Variants in TUFT1 observed in about 807,000 individuals in gnomAD.
TUFT1 encodes the protein tuftelin.
A neutral mutation model predicts 57.8 loss-of-function variants in TUFT1; 43 were observed. That is an observed-to-expected ratio of 0.74 (90% CI 0.58 to 0.96). The LOEUF (loss-of-function observed/expected upper bound fraction) is 0.96. Among genes scored for constraint, TUFT1 ranks in the 40% least tolerant of loss-of-function variants. The pLI is 0.00. For missense variants in TUFT1, 459 were observed against 489.0 expected, an observed-to-expected ratio of 0.94 and a Z score of 0.58; for synonymous variants, 166 against 176.7, an observed-to-expected ratio of 0.94 and a Z score of 0.48.
In TUFT1 at chr1:151,542,116, A is replaced by G. The variant is rs377037996; in HGVS notation, c.60+1690A>G. On this transcript the variant is annotated intron_variant, in intron 1 of 12. Transcript: ENST00000368849. Reference sequence around the variant, plus strand: ...TGCTTTTTGCTTGCTTGCTATATAGAAAAGAGATCCGGAAAGAAGTCTAAG... The same window carrying G: ...TGCTTTTTGCTTGCTTGCTATATAGGAAAGAGATCCGGAAAGAAGTCTAAG... 1.8e-4 allele frequency among the ~76,000 whole-genome samples: 27 copies of G among 152,332 alleles called. No homozygotes were observed. The South Asian group carries it at 5.6e-3, about 32-fold the overall frequency.
chr1:151,544,881 G>A (rs1665283148), intron 1 of TUFT1, among the ~76,000 whole-genome samples: 1 of 152,082 alleles, frequency 6.6e-6, no homozygotes, highest in Middle Eastern at 3.2e-3. Flanking sequence ...GACATCTATT[G>A]ACTTCTGTTG....
At position 151,582,640 on chromosome 1, in the gene TUFT1, G is replaced by A. The variant is rs1666677936; in HGVS notation, c.*933G>A. 6.3e-6 allele frequency: 1 copy of A among 159,586 alleles called. No individual in the cohort carries two copies. The highest frequency in any genetic ancestry group is 2.4e-5 in the African/African-American group (1 of 41,558). 9.9% of individuals were successfully genotyped at this position (159,586 alleles called of 1,614,324 possible). A position where few individuals can be genotyped will look rare whatever the true frequency, so the allele number is the denominator to read the frequency against. On this transcript the variant is annotated 3_prime_UTR_variant, in exon 13 of 13. Transcript: ENST00000368849. ...GGATTTGCTTGAAACCGGGAAAACT[G>A]TTCCCATTAGGCTTGTTAATGTCAG...
intron 1 of TUFT1, among the ~76,000 whole-genome samples, chr1:151,558,360 C>T (rs1231092457): frequency 2.0e-5 from 3 of 151,334 alleles, no homozygotes; most frequent in South Asian, 2.1e-4. Context: ...TTTGAGGGAT[C>T]CCCTCAAAGG....
In TUFT1 at chr1:151,581,708, G is replaced by A. The variant is rs1350646585; in HGVS notation, c.*1G>A. On this transcript the variant is annotated 3_prime_UTR_variant, in exon 13 of 13. Coordinates refer to ENST00000368849, the MANE Select transcript of TUFT1 (RefSeq NM_020127.3). Reference sequence around the variant, plus strand: ...TGTCATCCGAGTGGTGGAAACCTGAGCTGCCTGGAGATGGTTGCTGCCATT... The same window carrying A: ...TGTCATCCGAGTGGTGGAAACCTGAACTGCCTGGAGATGGTTGCTGCCATT... 6.2e-7 allele frequency: 1 copy of A among 1,614,132 alleles called. No homozygotes were observed. The highest frequency in any genetic ancestry group is 1.1e-5 in the South Asian group (1 of 91,080).
chr1:151,551,430 GA>G (rs1482728398), intron 1 of TUFT1, among the ~76,000 whole-genome samples: 1 of 152,120 alleles, frequency 6.6e-6, no homozygotes, highest in African/African-American at 2.4e-5. Context: ...GGAGATGAAT[GA>G]ATTGTTACAA....
rs966841474 is a variant in TUFT1 at position 151,579,564 on chromosome 1, C to A, written c.925-85C>A. On this transcript the variant is annotated intron_variant, in intron 10 of 12. Coordinates refer to ENST00000368849, the MANE Select transcript of TUFT1 (RefSeq NM_020127.3). ...CATATGGAGTTGCAGGGCTCTGCTG[C>A]CTTCCCCAGCAGCTGGGGTGAAGTC... The A allele has an allele frequency of 5.1e-6, 7 of 1,377,998 alleles. No homozygotes were observed. In the African/African-American group the frequency reaches 7.2e-5, roughly 14 times the overall value. 85.4% of individuals were successfully genotyped at this position (1,377,998 alleles called of 1,614,324 possible).
chr1:151,582,318 G>A lies in TUFT1; in HGVS notation c.*611G>A, dbSNP rs745766190. ...GGTGGCCTTGTCTTTCTGGGGAGGA[G>A]GGAATGTACATTCAGGGAGTAGCCT... On this transcript the variant is annotated 3_prime_UTR_variant, in exon 13 of 13. Coordinates refer to ENST00000368849, the MANE Select transcript of TUFT1 (RefSeq NM_020127.3). 4 of 428,002 alleles carry A rather than the reference G, an allele frequency of 9.3e-6. No individual in the cohort carries two copies. The highest frequency in any genetic ancestry group is 1.9e-5 in the Non-Finnish European group (4 of 213,158). 26.5% of individuals were successfully genotyped at this position (428,002 alleles called of 1,614,324 possible).
intron 1 of TUFT1, among the ~76,000 whole-genome samples, chr1:151,552,040 T>A (rs1284351027): frequency 3.3e-5 from 5 of 152,154 alleles, no homozygotes; most frequent in Non-Finnish European, 7.4e-5. Flanking sequence ...GTAACCACTA[T>A]CCTGACTTCT....
chr1:151,557,848 G>A lies in TUFT1; in HGVS notation c.61-4243G>A, dbSNP rs1298377252. ...CAGACGGAGTGCTGTGCCGCCTGGT[G>A]CCGACAGCAAAGCTGAGGCTGGGGC... On this transcript the variant is annotated intron_variant, in intron 1 of 12. Transcript: ENST00000368849. The A allele has an allele frequency of 4.0e-6, 3 of 743,550 alleles. No individual in the cohort carries two copies. In the East Asian group the frequency reaches 7.6e-5, roughly 19 times the overall value. The allele number at this position is 743,550 out of a possible 1,614,324, so 46.1% of individuals were successfully genotyped here.
rs1192479546 is a variant in TUFT1 at position 151,581,764 on chromosome 1, G to A, written c.*57G>A. On this transcript the variant is annotated 3_prime_UTR_variant, in exon 13 of 13. Coordinates refer to ENST00000368849, the MANE Select transcript of TUFT1 (RefSeq NM_020127.3). ...TGCCTCTGCCTCGGAGAAGCCCACT[G>A]CCCCTGTTGGCTGTTAACACTGCCT... 6.3e-7 allele frequency: 1 copy of A among 1,580,422 alleles called. No individual in the cohort carries two copies. The highest frequency in any genetic ancestry group is 8.7e-7 in the Non-Finnish European group (1 of 1,149,944).
chr1:151,569,626 C>T, intron 6 of TUFT1, 31 bp from the exon 7 acceptor site: 1 of 1,589,182 alleles, frequency 6.3e-7, no homozygotes, highest in Non-Finnish European at 8.6e-7. Context: ...AACTTGAGGG[C>T]TTCCCCTTCC....
At position 151,582,761 on chromosome 1, in the gene TUFT1, A is replaced by G. The variant is rs1461367323; in HGVS notation, c.*1054A>G. On this transcript the variant is annotated 3_prime_UTR_variant, in exon 13 of 13. Coordinates refer to ENST00000368849, the MANE Select transcript of TUFT1 (RefSeq NM_020127.3). ...CTCTGCAGCTAAGGAAGGTGAGTCT[A>G]CTTTCCCTGAGGCTTTGGGGTCAGA... The G allele has an allele frequency of 1.3e-5, 2 of 153,604 alleles. No homozygotes were observed. Among genetic ancestry groups the G allele is most frequent in the African/African-American group, 2.4e-5 (1 of 41,330 alleles). The allele number at this position is 153,604 out of a possible 1,614,324, so 9.5% of individuals were successfully genotyped here. A position where few individuals can be genotyped will look rare whatever the true frequency, so the allele number is the denominator to read the frequency against.
At chr1:151,559,729 G>T (rs1357481815) in intron 1 of TUFT1, among the ~76,000 whole-genome samples, 1 of 152,144 alleles carries the variant, frequency 6.6e-6, no homozygotes, top group East Asian at 1.9e-4. Context: ...TCCAAAAAGT[G>T]GGAGGATGCT....
intron 9 of TUFT1, 29 bp from the exon 10 acceptor site, chr1:151,578,692 T>G (rs1571721530): frequency 6.5e-7 from 1 of 1,528,928 alleles, no homozygotes; most frequent in East Asian, 2.5e-5. Context: ...CTTGTTCCAT[T>G]GCCTCAGCCT....
chr1:151,574,191 CT>C, intron 7 of TUFT1, 78 bp from the exon 8 acceptor site: 1 of 1,538,110 alleles, frequency 6.5e-7, no homozygotes. Context: ...GCCCAGGTTC[CT>C]GGGTTCTTTT....
At chr1:151,560,452 AC>A (rs1571699661) in intron 1 of TUFT1, among the ~76,000 whole-genome samples, 1 of 152,188 alleles carries the variant, frequency 6.6e-6, no homozygotes, top group East Asian at 1.9e-4. Context: ...ATGGTAATAT[AC>A]CCCTTTTACA....
At chr1:151,579,755 C>G in intron 11 of TUFT1, 23 bp downstream of exon 11, 1 of 1,606,734 alleles carries the variant, frequency 6.2e-7, no homozygotes, top group Non-Finnish European at 8.5e-7. Flanking sequence ...GGCAGCCCAG[C>G]AGGGGAACAG....
Position 151,566,187 on chromosome 1 carries a change from T to C in TUFT1, c.439T>C (p.Phe147Leu), listed in dbSNP as rs750935196. The stretch of plus-strand genomic sequence containing the variant: ...GGTGGTGCTAGAAAAGCCAAATGGC[T>C]TTAGTCAGAGTCCCACAGCCCTGTA... ...IQVVLEKPNG[F>L]SQSPTALYSS... is the part of the protein sequence containing the mutation. The change falls in exon 6 of 13, where the codon TTT becomes CTT. Residue 147 changes from phenylalanine to leucine, a missense_variant. Physicochemically the swap from Phe to Leu is conservative, Grantham distance 22. Coordinates refer to ENST00000368849, the MANE Select transcript of TUFT1 (RefSeq NM_020127.3). 6.2e-7 allele frequency: 1 copy of C among 1,611,746 alleles called. No homozygotes were observed. The highest frequency in any genetic ancestry group is 2.2e-5 in the East Asian group (1 of 44,888).
intron 1 of TUFT1, among the ~76,000 whole-genome samples, chr1:151,555,379 G>A (rs1387523995): frequency 6.7e-6 from 1 of 149,308 alleles, no homozygotes; most frequent in Non-Finnish European, 1.5e-5. Context: ...AATAGTGGCT[G>A]TTTCTGGGTG....
Sources: gnomAD v4.1 joint callset for allele counts (sites outside exome capture counted in the v4.1 genomes callset) on GRCh38, gnomAD v4.1.1 for gene constraint, MANE v1.5 for transcripts, NCBI Gene and HGNC (gene_info 2026-07-23, HGNC 2026-07-21) for gene names.